Variants in POTEG observed in about 807,000 individuals in gnomAD.
POTEG encodes POTE ankyrin domain family member G.
In POTEG, 2 loss-of-function variants were observed where a neutral mutation model predicts 49.6. That is an observed-to-expected ratio of 0.04 (90% CI 0.02 to 0.13). POTEG has a LOEUF of 0.13. POTEG is among the 10% of genes least tolerant of loss of function. The pLI is 1.00. For missense variants in POTEG, 26 were observed against 545.2 expected (o/e 0.05, Z 9.48); for synonymous variants, 7 against 186.6 (o/e 0.04, Z 7.84).
intron 4 of POTEG, 171 bp from the exon 5 acceptor site, chr14:19,424,473 TA>T (rs1883878798): frequency 2.6e-6 from 1 of 377,428 alleles, no homozygotes; most frequent in East Asian, 7.3e-5. Context: ...CCACCAAGGT[TA>T]AAAGGAAGGG....
At chr14:19,431,201 T>C (rs1287900710) in intron 1 of POTEG, among the ~76,000 whole-genome samples, 615 of 148,872 alleles carry the variant, frequency 4.1e-3, no homozygotes, top group African/African-American at 0.015. Context: ...AAGAGCAGAT[T>C]CTGTTCGTGT....
intron 6 of POTEG, among the ~76,000 whole-genome samples, chr14:19,418,938 C>A (rs1594275499): frequency 4.1e-5 from 3 of 73,620 alleles, no homozygotes; most frequent in Non-Finnish European, 7.3e-5. Context: ...AAAAAACTGC[C>A]AACAATTAAT....
chr14:19,427,024 G>A (rs1883983825), intron 3 of POTEG: 1 of 334,990 alleles, frequency 3.0e-6, no homozygotes, highest in African/African-American at 2.3e-5. Context: ...TAATGTTATT[G>A]GAAAGGAAAG....
chr14:19,432,364 T>TTGTG (rs1361907872), intron 1 of POTEG, among the ~76,000 whole-genome samples: 7,785 of 37,680 alleles, frequency 0.21, 261 homozygotes, highest in Non-Finnish European at 0.26. Flanking sequence ...AAAAGAAATT[T>TTGTG]TGTATATATA....
intron 1 of POTEG, among the ~76,000 whole-genome samples, chr14:19,432,365 TG>T (rs1884167518): frequency 3.1e-5 from 1 of 31,808 alleles, no homozygotes; most frequent in African/African-American, 9.4e-5. Flanking sequence ...AAAGAAATTT[TG>T]TATATATATA....
intron 6 of POTEG, among the ~76,000 whole-genome samples, chr14:19,419,851 CCA>C (rs2139163035): frequency 7.7e-6 from 1 of 130,270 alleles, no homozygotes; most frequent in East Asian, 2.2e-4. Context: ...ACTGTTTTAG[CCA>C]CCGCTCATCT....
chr14:19,408,554 AT>A (rs1223675709), intron 9 of POTEG, among the ~76,000 whole-genome samples: 1 of 150,186 alleles, frequency 6.7e-6, no homozygotes. Context: ...CCACCCTAAT[AT>A]TTTTTTAAAT....
At chr14:19,423,543 AC>A (rs1309035600) in intron 5 of POTEG, 1 of 145,334 alleles carries the variant, frequency 6.9e-6, no homozygotes, top group African/African-American at 2.5e-5. Flanking sequence ...AGGTATGGGA[AC>A]AAAAAACATC....
rs1555310382 is a variant in POTEG, at chr14:19,432,403, T to TACATAC, written c.521+1365_521+1366insGTATGT. ...ATATATATATATATATATATATATA[T>TACATAC]ACACACACATGTATATATATGTATA... is the stretch of plus-strand genomic sequence containing the variant. On this transcript the variant is annotated intron_variant, in intron 1 of 10. Coordinates refer to ENST00000547848, the MANE Select transcript of POTEG (RefSeq NM_001005356.3). Among the ~76,000 whole-genome samples, 6 of 44,730 alleles carry TACATAC rather than the reference T, an allele frequency of 1.3e-4. No homozygotes were observed. The East Asian group carries it at 2.2e-3, about 17-fold the overall frequency. The allele number at this position is 44,730 out of a possible 152,430, so 29.3% of individuals were successfully genotyped here.
intron 3 of POTEG, chr14:19,426,643 G>T (rs1204571587): frequency 2.2e-6 from 1 of 449,312 alleles, no homozygotes; most frequent in African/African-American, 2.0e-5. Flanking sequence ...ATATTATTCT[G>T]TAACCTGATA....
chr14:19,433,135 G>C (rs1180723648), intron 1 of POTEG, among the ~76,000 whole-genome samples: 1 of 148,130 alleles, frequency 6.8e-6, no homozygotes, highest in Non-Finnish European at 1.5e-5. Flanking sequence ...CACCGTGTTA[G>C]CCAGGATGGT....
At chr14:19,433,462 A>G (rs1472964306) in intron 1 of POTEG, among the ~76,000 whole-genome samples, 1 of 65,286 alleles carries the variant, frequency 1.5e-5, no homozygotes, top group East Asian at 5.0e-4. Context: ...CGTACAGAAC[A>G]TTGTTTTAAA....
At chr14:19,415,151 A>C (rs1245677414) in intron 7 of POTEG, among the ~76,000 whole-genome samples, 1 of 144,846 alleles carries the variant, frequency 6.9e-6, no homozygotes. Context: ...ATTTTAATTG[A>C]AATTATATAC....
chr14:19,414,829 A>G (rs1357994067), intron 7 of POTEG, among the ~76,000 whole-genome samples: 1 of 138,224 alleles, frequency 7.2e-6, no homozygotes, highest in East Asian at 2.0e-4. Flanking sequence ...GGCTTCTAAC[A>G]TGTGAAAAAT....
At chr14:19,432,403 T>TATATATATATATATAC (rs1330765784) in intron 1 of POTEG, among the ~76,000 whole-genome samples, 2 of 44,726 alleles carry the variant, frequency 4.5e-5, no homozygotes, top group East Asian at 5.6e-4. Context: ...TATATATATA[T>TATATATATATATATAC]ACACACACAT....
intron 6 of POTEG, 164 bp downstream of exon 6, chr14:19,421,458 AAT>A (rs2139166058): frequency 1.2e-6 from 1 of 850,922 alleles, no homozygotes; most frequent in East Asian, 2.9e-5. Context: ...ATTACAATGT[AAT>A]AATAATATAA....
At chr14:19,432,380 A>ATG (rs1884172657) in intron 1 of POTEG, among the ~76,000 whole-genome samples, 2 of 67,288 alleles carry the variant, frequency 3.0e-5, no homozygotes, top group African/African-American at 4.5e-5. Flanking sequence ...ATATATATAT[A>ATG]TATATATATA....
chr14:19,407,129 GCA>G (rs1373066713), intron 9 of POTEG, among the ~76,000 whole-genome samples: 1 of 150,176 alleles, frequency 6.7e-6, no homozygotes, highest in Admixed American at 6.7e-5. Flanking sequence ...AAAGACACCC[GCA>G]CACATATGTT....
At chr14:19,415,769 T>C (rs1364681452) in intron 7 of POTEG, among the ~76,000 whole-genome samples, 1 of 152,122 alleles carries the variant, frequency 6.6e-6, no homozygotes, top group Admixed American at 6.5e-5. Context: ...TAGAATCTAT[T>C]GATTCTTCTT....
Sources: allele counts gnomAD v4.1 joint callset (sites outside exome capture counted in the v4.1 genomes callset), GRCh38; gene constraint gnomAD v4.1.1; transcripts MANE v1.5; gene names NCBI Gene and HGNC (gene_info 2026-07-23, HGNC 2026-07-21).